SECISBP2: variants seen among roughly 807,000 people sequenced by gnomAD.
SECISBP2 encodes selenocysteine insertion sequence-binding protein 2.
A neutral mutation model predicts 98.2 loss-of-function variants in SECISBP2; 96 were observed. The ratio of observed to expected loss-of-function variants is 0.98; its 90% CI spans 0.83 to 1.16. SECISBP2 has a LOEUF of 1.16. SECISBP2 is among the 50% of genes most tolerant of loss of function. The probability of loss-of-function intolerance (pLI) is 0.00; values close to 1 mark genes in which losing one functional copy is unlikely to be tolerated. For synonymous variants in SECISBP2, 407 were observed against 370.2 expected (o/e 1.10, Z -1.14); for missense variants, 1,046 against 1,022.9 (o/e 1.02, Z -0.31).
At chr9:89,320,349 C>CT (rs1212227967) in intron 2 of SECISBP2, among the ~76,000 whole-genome samples, 7 of 108,404 alleles carry the variant, frequency 6.5e-5, no homozygotes, top group African/African-American at 2.7e-4. Flanking sequence ...GAGTGAGACT[C>CT]TGTCTCAAAA....
chr9:89,336,832 C>T (rs976787743), intron 7 of SECISBP2, among the ~76,000 whole-genome samples: 6 of 127,992 alleles, frequency 4.7e-5, no homozygotes, highest in Admixed American at 9.9e-5. Context: ...AGTGCAATGG[C>T]GTGATCTCGG....
At position 89,358,922 on chromosome 9, in the gene SECISBP2, G is replaced by A; in HGVS notation, c.*98G>A. On this transcript the variant is annotated 3_prime_UTR_variant, in exon 17 of 17. Transcript: ENST00000375807. ...TGTTTTTCATGACAATGTAATTTGT[G>A]TAACTGTTGAATCTGGAAATTGATC... 1.3e-6 allele frequency: 1 copy of A among 777,526 alleles called. No individual in the cohort carries two copies. Among genetic ancestry groups the A allele is most frequent in the Non-Finnish European group, 2.2e-6 (1 of 451,876 alleles). The allele number at this position is 777,526 out of a possible 1,614,324, so 48.2% of individuals were successfully genotyped here. A position where few individuals can be genotyped will look rare whatever the true frequency, so the allele number is the denominator to read the frequency against.
At chr9:89,362,611 G>A (rs187729273), downstream of SECISBP2, among the ~76,000 whole-genome samples, 2 of 152,346 alleles carry the variant, frequency 1.3e-5, no homozygotes, top group African/African-American at 4.8e-5. Context: ...TATGTGACAG[G>A]AAGGCAGAGC....
chr9:89,330,726 C>T (rs1433143436), intron 5 of SECISBP2, among the ~76,000 whole-genome samples: 2 of 152,200 alleles, frequency 1.3e-5, no homozygotes, highest in Non-Finnish European at 2.9e-5. Context: ...TGGCCTGCTC[C>T]AGGGGCTCCA....
chr9:89,357,295 C>T (rs1832238140), intron 14 of SECISBP2, 116 bp from the exon 15 acceptor site: 1 of 1,142,750 alleles, frequency 8.8e-7, no homozygotes, highest in Non-Finnish European at 1.3e-6. Flanking sequence ...GGGCGTCTGC[C>T]TTGGATATAA....
chr9:89,325,734 G>A, intron 3 of SECISBP2, 58 bp downstream of exon 3: 1 of 1,610,394 alleles, frequency 6.2e-7, no homozygotes, highest in Non-Finnish European at 8.5e-7. Context: ...TGTTTAAAAT[G>A]TAAAGAAATG....
At chr9:89,363,714 G>T (rs775993112), downstream of SECISBP2, 2 of 1,606,618 alleles carry the variant, frequency 1.2e-6, no homozygotes, top group South Asian at 1.1e-5. Flanking sequence ...TCATAAAAGG[G>T]TAACAGTGGG....
chr9:89,319,829 G>A, intron 2 of SECISBP2, 32 bp downstream of exon 2: 2 of 1,610,940 alleles, frequency 1.2e-6, no homozygotes, highest in Non-Finnish European at 1.7e-6. Context: ...TTACCTAGGG[G>A]CTTACATTTT....
intron 2 of SECISBP2, among the ~76,000 whole-genome samples, chr9:89,321,858 A>C (rs1404337472): frequency 6.6e-6 from 1 of 152,192 alleles, no homozygotes; most frequent in Non-Finnish European, 1.5e-5. Context: ...TGATTATCTG[A>C]GCAGTTCTAA....
At chr9:89,360,022 T>TAGTG (rs1832643369), downstream of SECISBP2, among the ~76,000 whole-genome samples, 1 of 152,220 alleles carries the variant, frequency 6.6e-6, no homozygotes, top group Non-Finnish European at 1.5e-5. Context: ...AAAATTGGAA[T>TAGTG]AGTGAGTCAG....
At chr9:89,347,370 AC>A (rs1390767905) in intron 11 of SECISBP2, among the ~76,000 whole-genome samples, 1 of 149,958 alleles carries the variant, frequency 6.7e-6, no homozygotes, top group Non-Finnish European at 1.5e-5. Context: ...CCTTCATCCT[AC>A]CCTAGCTGAT....
chr9:89,358,617 T>TGGGC (rs1250183268), intron 16 of SECISBP2, 104 bp from the exon 17 acceptor site: 3 of 783,964 alleles, frequency 3.8e-6, no homozygotes, highest in Admixed American at 1.9e-5. Flanking sequence ...CGTGAGCTGC[T>TGGGC]GGGCAGTGGC....
chr9:89,358,892 T>C lies in SECISBP2; in HGVS notation c.*68T>C. The stretch of plus-strand genomic sequence containing the variant: ...GTCTGAAAAAGACTTTGGGGCTTTT[T>C]CTTCTGTTTTTCATGACAATGTAAT... On this transcript the variant is annotated 3_prime_UTR_variant, in exon 17 of 17. Transcript: ENST00000375807. 1.1e-6 allele frequency: 1 copy of C among 926,240 alleles called. No homozygotes were observed. The highest frequency in any genetic ancestry group is 1.7e-6 in the Non-Finnish European group (1 of 573,690). 57.4% of individuals were successfully genotyped at this position (926,240 alleles called of 1,614,324 possible).
intron 9 of SECISBP2, among the ~76,000 whole-genome samples, chr9:89,340,836 A>G (rs956383792): frequency 6.6e-6 from 1 of 152,212 alleles, no homozygotes; most frequent in Admixed American, 6.5e-5. Flanking sequence ...CAATTTCAAA[A>G]ATAACACTTG....
chr9:89,365,855 A>T, the SECISBP2 span, among the ~76,000 whole-genome samples: 1 of 152,218 alleles, frequency 6.6e-6, no homozygotes, highest in African/African-American at 2.4e-5. Context: ...AGAGATCGCC[A>T]GTTTAATGAA....
At chr9:89,338,611 GATATA>G (rs751696620) in intron 8 of SECISBP2, 31 bp downstream of exon 8, 6 of 1,604,354 alleles carry the variant, frequency 3.7e-6, no homozygotes, top group Middle Eastern at 2.0e-4. Context: ...CACATGGTGT[GATATA>G]ATAAGTGGGT....
chr9:89,346,159 G>C (rs944112072), intron 10 of SECISBP2, among the ~76,000 whole-genome samples: 2 of 152,160 alleles, frequency 1.3e-5, no homozygotes, highest in Non-Finnish European at 2.9e-5. Context: ...TTTCTTTGGC[G>C]TATGTTTGGA....
chr9:89,340,319 A>G (rs1234390904), intron 9 of SECISBP2, among the ~76,000 whole-genome samples: 1 of 152,200 alleles, frequency 6.6e-6, no homozygotes, highest in Non-Finnish European at 1.5e-5. Context: ...AATGTCTGAC[A>G]GAAGAAAAAT....
chr9:89,327,052 C>T (rs2131608951), intron 4 of SECISBP2, among the ~76,000 whole-genome samples: 1 of 152,020 alleles, frequency 6.6e-6, no homozygotes, highest in Admixed American at 6.5e-5. Context: ...GTTCCAGCTA[C>T]TCGGGAGGCT....
Sources: allele counts gnomAD v4.1 joint callset (sites outside exome capture counted in the v4.1 genomes callset), GRCh38; gene constraint gnomAD v4.1.1; transcripts MANE v1.5; gene names NCBI Gene and HGNC (gene_info 2026-07-23, HGNC 2026-07-21).